CNKSR3: variants seen among roughly 807,000 people sequenced by gnomAD.
The protein encoded by CNKSR3 is CNKSR family member 3.
Under a neutral mutation model 67.7 loss-of-function variants are expected in CNKSR3, and 36 were observed. The ratio of observed to expected loss-of-function variants is 0.53; its 90% CI spans 0.41 to 0.70. CNKSR3 has a LOEUF of 0.70. Ranked by LOEUF, CNKSR3 falls within the 30% of genes least tolerant of loss-of-function variation. CNKSR3 has a pLI of 0.00. For synonymous variants in CNKSR3, 281 were observed against 271.4 expected, an observed-to-expected ratio of 1.04 and a Z score of -0.35; for missense variants, 630 against 695.2, an observed-to-expected ratio of 0.91 and a Z score of 1.05.
intron 4 of CNKSR3, among the ~76,000 whole-genome samples, chr6:154,439,793 A>C (rs115911282): frequency 0.032 from 4,914 of 152,194 alleles, 287 homozygotes; most frequent in African/African-American, 0.11. Context: ...CCAGGAGGCT[A>C]AAGTGGAAGG....
chr6:154,505,265 G>C (rs1787074500), intron 1 of CNKSR3, among the ~76,000 whole-genome samples: 1 of 108,108 alleles, frequency 9.3e-6, no homozygotes, highest in African/African-American at 3.6e-5. Context: ...TGGCCAAATA[G>C]TCAAGCACCT....
rs1401375242 is a variant in CNKSR3 at position 154,500,973 on chromosome 6, G to A, written c.52+9090C>T. On this transcript the variant is annotated intron_variant, in intron 1 of 12. Transcript: ENST00000607772. The stretch of plus-strand genomic sequence containing the variant: ...GAATAAACAGCTTCAGAAACTAGCC[G>A]CAGCAAAAAGTGCCAGAAAATAACA... 3.3e-5 allele frequency among the ~76,000 whole-genome samples: 5 copies of A among 152,216 alleles called. No homozygotes were observed. In the South Asian group the frequency reaches 6.2e-4, roughly 19 times the overall value.
chr6:154,477,387 T>C (rs1359180817), intron 1 of CNKSR3, among the ~76,000 whole-genome samples: 1 of 152,136 alleles, frequency 6.6e-6, no homozygotes, highest in Admixed American at 6.5e-5. Context: ...CTCGGCTCAC[T>C]GCAACCTCTG....
intron 1 of CNKSR3, among the ~76,000 whole-genome samples, chr6:154,487,571 G>A (rs1391698569): frequency 6.6e-6 from 1 of 152,120 alleles, no homozygotes; most frequent in Admixed American, 6.5e-5. Flanking sequence ...AATGAGGAAC[G>A]GCCCACCCAC....
intron 1 of CNKSR3, among the ~76,000 whole-genome samples, chr6:154,486,327 ACT>A (rs1385276899): frequency 1.4e-5 from 2 of 137,992 alleles, no homozygotes; most frequent in African/African-American, 2.7e-5. Context: ...ACGGAGTCTC[ACT>A]CTGTCTCCCA....
chr6:154,411,244 A>C, intron 10 of CNKSR3, 102 bp from the exon 11 acceptor site: 1 of 811,246 alleles, frequency 1.2e-6, no homozygotes, highest in Non-Finnish European at 2.0e-6. Context: ...AGATAATTTA[A>C]ATTCTCCTTT....
intron 9 of CNKSR3, among the ~76,000 whole-genome samples, chr6:154,415,902 C>A (rs1275560575): frequency 1.3e-5 from 2 of 152,102 alleles, no homozygotes; most frequent in African/African-American, 2.4e-5. Flanking sequence ...TGGTAAAGAA[C>A]AGCAAGGAAA....
intron 1 of CNKSR3, among the ~76,000 whole-genome samples, chr6:154,490,623 GGAGACTTACA>G (rs765884385): frequency 7.2e-5 from 11 of 152,158 alleles, no homozygotes; most frequent in Non-Finnish European, 1.5e-4. Context: ...CCACCTGCTT[GGAGACTTACA>G]GAGGGGCTTG....
At chr6:154,471,516 G>A (rs933408146) in intron 1 of CNKSR3, among the ~76,000 whole-genome samples, 3 of 152,012 alleles carry the variant, frequency 2.0e-5, no homozygotes, top group Non-Finnish European at 2.9e-5. Flanking sequence ...CTCCAGCCAC[G>A]GCAACAAAGC....
At position 154,403,240 on chromosome 6, in the gene CNKSR3, T is replaced by A. The variant is rs1784735847; in HGVS notation, c.*3114A>T. 1 of 152,074 alleles carries A rather than the reference T, an allele frequency of 6.6e-6. No individual in the cohort carries two copies. Among genetic ancestry groups the A allele is most frequent in the Non-Finnish European group, 1.5e-5 (1 of 68,028 alleles). 9.4% of individuals were successfully genotyped at this position (152,074 alleles called of 1,614,324 possible). A position where few individuals can be genotyped will look rare whatever the true frequency, so the allele number is the denominator to read the frequency against. ...CTGGCCAACATGGTGAAACTCCATCTCTACTAAAAATACAAAAATTAGCCA... is the reference window on the plus strand; with the variant it reads ...CTGGCCAACATGGTGAAACTCCATCACTACTAAAAATACAAAAATTAGCCA... On this transcript the variant is annotated 3_prime_UTR_variant, in exon 13 of 13. Coordinates refer to ENST00000607772, the MANE Select transcript of CNKSR3 (RefSeq NM_173515.4).
rs11541340 is a variant in CNKSR3, at chr6:154,510,438, C to T, written c.-324G>A. On this transcript the variant is annotated 5_prime_UTR_variant, in exon 1 of 13. Transcript: ENST00000607772. Reference sequence around the variant, plus strand: ...CGACCCCAGACCCCTGGCCTCGGCTCGGCACGGGAGCCTCCCGGCCCGCGA... The same window carrying T: ...CGACCCCAGACCCCTGGCCTCGGCTTGGCACGGGAGCCTCCCGGCCCGCGA... 6 of 400,162 alleles carry T rather than the reference C, an allele frequency of 1.5e-5. No homozygotes were observed. In the East Asian group the frequency reaches 1.7e-4, roughly 11 times the overall value. The allele number at this position is 400,162 out of a possible 1,614,324, so 24.8% of individuals were successfully genotyped here. A position where few individuals can be genotyped will look rare whatever the true frequency, so the allele number is the denominator to read the frequency against.
In CNKSR3 at chr6:154,421,445, A is replaced by G. The variant is rs1785141390; in HGVS notation, c.945+1061T>C. On this transcript the variant is annotated intron_variant, in intron 9 of 12. Coordinates refer to ENST00000607772, the MANE Select transcript of CNKSR3 (RefSeq NM_173515.4). ...AGGAAGACATACAATAACATCAAAA[A>G]TAGTCACAAATAAACCATAATCTCA... is the stretch of plus-strand genomic sequence containing the variant. Among the ~76,000 whole-genome samples the G allele has an allele frequency of 3.9e-5, 6 of 152,224 alleles. No individual in the cohort carries two copies. In the South Asian group the frequency reaches 1.2e-3, roughly 32 times the overall value.
intron 1 of CNKSR3, among the ~76,000 whole-genome samples, chr6:154,495,410 C>T (rs951568863): frequency 6.6e-6 from 1 of 150,830 alleles, no homozygotes; most frequent in African/African-American, 2.4e-5. Context: ...TTTCTGTCAC[C>T]CAAACTGTAA....
Position 154,397,974 on chromosome 6 carries a change from A to G in CNKSR3, c.*8380T>C, listed in dbSNP as rs1315121060. On this transcript the variant is annotated 3_prime_UTR_variant, in exon 13 of 13. Transcript: ENST00000607772. ...TCGCTAAAAAGACAAAGGAAGAAAAAGTATGGTCTCTGTCCTCAGGGCATT... is the reference window on the plus strand; with the variant it reads ...TCGCTAAAAAGACAAAGGAAGAAAAGGTATGGTCTCTGTCCTCAGGGCATT... 6.6e-6 allele frequency: 1 copy of G among 152,326 alleles called. No homozygotes were observed. The highest frequency in any genetic ancestry group is 6.5e-5 in the Admixed American group (1 of 15,286). The allele number at this position is 152,326 out of a possible 1,614,324, so 9.4% of individuals were successfully genotyped here.
chr6:154,493,787 A>G (rs187262326), intron 1 of CNKSR3, among the ~76,000 whole-genome samples: 23 of 152,202 alleles, frequency 1.5e-4, no homozygotes, highest in African/African-American at 5.3e-4. Flanking sequence ...AAAGTGATAC[A>G]CTGTCAAATC....
At chr6:154,450,529 C>G (rs1186409989) in intron 1 of CNKSR3, among the ~76,000 whole-genome samples, 3 of 152,162 alleles carry the variant, frequency 2.0e-5, no homozygotes, top group African/African-American at 7.2e-5. Context: ...AACACCAAAC[C>G]CCTGTTGACT....
intron 1 of CNKSR3, among the ~76,000 whole-genome samples, chr6:154,502,037 C>T (rs1787008028): frequency 6.6e-6 from 1 of 152,086 alleles, no homozygotes; most frequent in Admixed American, 6.5e-5. Flanking sequence ...TAAAAATATC[C>T]CAATTACACC....
At chr6:154,468,702 C>T (rs553619405) in intron 1 of CNKSR3, among the ~76,000 whole-genome samples, 98 of 152,162 alleles carry the variant, frequency 6.4e-4, no homozygotes, top group African/African-American at 2.1e-3. Flanking sequence ...GAAGAACGAA[C>T]GCCTCCCCAC....
intron 1 of CNKSR3, among the ~76,000 whole-genome samples, chr6:154,472,606 A>G (rs1436286490): frequency 2.0e-5 from 3 of 152,322 alleles, no homozygotes; most frequent in Non-Finnish European, 2.9e-5. Flanking sequence ...AACAAACCCC[A>G]TGAAAACAAA....
Sources: allele counts gnomAD v4.1 joint callset (sites outside exome capture counted in the v4.1 genomes callset), GRCh38; gene constraint gnomAD v4.1.1; transcripts MANE v1.5; gene names NCBI Gene and HGNC (gene_info 2026-07-23, HGNC 2026-07-21).